Variants in SLC25A48 observed in about 807,000 individuals in gnomAD.
The protein encoded by SLC25A48 is solute carrier family 25 member 48.
A neutral mutation model predicts 32.2 loss-of-function variants in SLC25A48; 29 were observed. The ratio of observed to expected loss-of-function variants is 0.90; its 90% confidence interval spans 0.67 to 1.23. The LOEUF is 1.23. Among genes scored for constraint, SLC25A48 ranks in the 50% most tolerant of loss-of-function variants. The pLI is 0.00. For missense variants in SLC25A48, 399 were observed against 422.7 expected (o/e 0.94, Z 0.49); for synonymous variants, 164 against 172.3 (o/e 0.95, Z 0.38).
At chr5:135,612,884 G>A (rs1179054345) in intron 1 of SLC25A48, among the ~76,000 whole-genome samples, 1 of 152,148 alleles carries the variant, frequency 6.6e-6, no homozygotes, top group Non-Finnish European at 1.5e-5. Flanking sequence ...ATAAACATGT[G>A]AGCACATATA....
At chr5:135,593,753 A>G (rs1751581436) in intron 1 of SLC25A48, among the ~76,000 whole-genome samples, 1 of 152,254 alleles carries the variant, frequency 6.6e-6, no homozygotes, top group Non-Finnish European at 1.5e-5. Context: ...TTGGAGATGT[A>G]ATCGATGGAC....
At chr5:135,652,919 G>A (rs1183872062) in intron 3 of SLC25A48, among the ~76,000 whole-genome samples, 2 of 152,116 alleles carry the variant, frequency 1.3e-5, no homozygotes, top group Non-Finnish European at 2.9e-5. Flanking sequence ...CAACAGTGTT[G>A]GGAAGTAGGG....
In SLC25A48 at chr5:135,620,051, G is replaced by A. The variant is rs951541007; in HGVS notation, c.-848-9186G>A. On this transcript the variant is annotated intron_variant, in intron 1 of 10. Coordinates refer to the SLC25A48 transcript ENST00000646290. ...AGGTGGGCTCTTGTGCCCCTGGGCA[G>A]CAGGAGTGGCATGAGCGATGGCAAT... 3.9e-5 allele frequency among the ~76,000 whole-genome samples: 6 copies of A among 152,322 alleles called. No homozygotes were observed. The East Asian group carries it at 1.2e-3, about 29-fold the overall frequency.
At chr5:135,884,163 G>C (rs1400568878) in intron 7 of SLC25A48, among the ~76,000 whole-genome samples, 1 of 152,134 alleles carries the variant, frequency 6.6e-6, no homozygotes, top group Non-Finnish European at 1.5e-5. Flanking sequence ...GGTCTTCCTT[G>C]GTTTCTCCAC....
intron 2 of SLC25A48, among the ~76,000 whole-genome samples, chr5:135,850,132 C>T (rs1210749259): frequency 1.3e-5 from 2 of 152,134 alleles, no homozygotes; most frequent in Admixed American, 6.5e-5. Context: ...GGTAGAGTCC[C>T]AGTTTAGGTT....
At chr5:135,785,014 T>C (rs1001500901) in intron 3 of SLC25A48, among the ~76,000 whole-genome samples, 1 of 58,138 alleles carries the variant, frequency 1.7e-5, no homozygotes, top group Non-Finnish European at 6.5e-5. Flanking sequence ...CTTAATATCA[T>C]AAGGTGGACA....
rs555988872 is a variant in SLC25A48 at position 135,682,987 on chromosome 5, G to A, written c.-521+48031G>A. Among the ~76,000 whole-genome samples, 79 of 152,286 alleles carry A rather than the reference G, an allele frequency of 5.2e-4. 1 individual carries two copies. Among genetic ancestry groups the A allele is most frequent in the Middle Eastern group, 3.4e-3 (1 of 294 alleles). On this transcript the variant is annotated intron_variant, in intron 3 of 10. Transcript: ENST00000646290. ...TATGGCTGAATGAGAGAGGGTAGAA[G>A]GGATTAATGTCACTGGATGGCTGTG... is the stretch of plus-strand genomic sequence containing the variant.
chr5:135,652,414 C>G (rs1463953807), intron 3 of SLC25A48: 1 of 456,236 alleles, frequency 2.2e-6, no homozygotes, highest in Non-Finnish European at 4.4e-6. Flanking sequence ...AAATGCCTAT[C>G]CACCATTATG....
chr5:135,760,976 C>G (rs1295301218), intron 3 of SLC25A48, among the ~76,000 whole-genome samples: 1 of 151,982 alleles, frequency 6.6e-6, no homozygotes, highest in Non-Finnish European at 1.5e-5. Context: ...TTTAGTTCCT[C>G]CATGAAATCT....
chr5:135,651,415 G>A (rs1359973848), intron 3 of SLC25A48, among the ~76,000 whole-genome samples: 2 of 152,154 alleles, frequency 1.3e-5, no homozygotes, highest in Non-Finnish European at 2.9e-5. Context: ...GGCATGGCAT[G>A]TGTGGACACC....
intron 3 of SLC25A48, among the ~76,000 whole-genome samples, chr5:135,678,595 T>C (rs1024950561): frequency 3.3e-5 from 5 of 152,216 alleles, no homozygotes; most frequent in Non-Finnish European, 5.9e-5. Flanking sequence ...ATTTCCTTTT[T>C]TTCATGTTGC....
intron 7 of SLC25A48, among the ~76,000 whole-genome samples, chr5:135,881,652 C>T (rs564530656): frequency 2.6e-5 from 4 of 152,284 alleles, no homozygotes; most frequent in South Asian, 4.1e-4. Flanking sequence ...TTGGCCATTT[C>T]CCCCTTTTAA....
At chr5:135,832,687 G>T (rs1251095699), upstream of SLC25A48, among the ~76,000 whole-genome samples, 3 of 152,210 alleles carry the variant, frequency 2.0e-5, no homozygotes, top group Non-Finnish European at 4.4e-5. Context: ...AGCACAGACT[G>T]ATGCTCAGGA....
rs559687289 is a variant in SLC25A48 at position 135,803,900 on chromosome 5, T to C, written c.-520-8623T>C. ...TATTAGGAGTATTATCTTCATAGGA[T>C]ATTATGAATAACCTCACAGTGAGTG... On this transcript the variant is annotated intron_variant, in intron 3 of 10. Transcript: ENST00000646290. Among the ~76,000 whole-genome samples, 7 of 151,784 alleles carry C rather than the reference T, an allele frequency of 4.6e-5. No individual in the cohort carries two copies. The East Asian group carries it at 1.4e-3, about 29-fold the overall frequency.
chr5:135,640,408 G>C (rs909372093), intron 3 of SLC25A48, among the ~76,000 whole-genome samples: 13 of 152,182 alleles, frequency 8.5e-5, no homozygotes, highest in African/African-American at 2.9e-4. Context: ...AACTTCAAAA[G>C]ATCAGCAAAC....
chr5:135,763,418 GC>G (rs1756112458), intron 3 of SLC25A48, among the ~76,000 whole-genome samples: 1 of 152,042 alleles, frequency 6.6e-6, no homozygotes, highest in East Asian at 1.9e-4. Context: ...CTCAGGACCT[GC>G]CCGTAGTGGG....
chr5:135,871,831 C>A (rs747404029), intron 5 of SLC25A48, 113 bp downstream of exon 5: 1 of 1,544,056 alleles, frequency 6.5e-7, no homozygotes, highest in Admixed American at 1.9e-5. Context: ...CATTTAGGTA[C>A]TCACCCAACA....
At chr5:135,885,412 A>G (rs1050598953) in intron 7 of SLC25A48, among the ~76,000 whole-genome samples, 1 of 151,644 alleles carries the variant, frequency 6.6e-6, no homozygotes, top group Non-Finnish European at 1.5e-5. Context: ...GGACACTCTT[A>G]CCCCCAGCAT....
intron 3 of SLC25A48, among the ~76,000 whole-genome samples, chr5:135,674,021 C>T (rs1297920090): frequency 6.6e-6 from 1 of 151,954 alleles, no homozygotes; most frequent in African/African-American, 2.4e-5. Context: ...AATCCATCAA[C>T]CACATGTGTG....
Sources: allele counts gnomAD v4.1 joint callset (sites outside exome capture counted in the v4.1 genomes callset), GRCh38; gene constraint gnomAD v4.1.1; transcripts MANE v1.5; gene names NCBI Gene and HGNC (gene_info 2026-07-23, HGNC 2026-07-21).